Variants in FAT3 observed in about 807,000 individuals in gnomAD.
The protein encoded by FAT3 is protocadherin Fat 3.
In FAT3, 95 loss-of-function variants were observed where a neutral mutation model predicts 310.2. That is an observed-to-expected ratio of 0.31 (90% CI 0.26 to 0.36). The LOEUF (loss-of-function observed/expected upper bound fraction) is 0.36, where lower values mean the gene tolerates loss of function less well. Among genes scored for constraint, FAT3 ranks in the 10% least tolerant of loss-of-function variants. The pLI is 1.00. For synonymous variants in FAT3, 2,314 were observed against 2,192.9 expected (o/e 1.06, Z -1.54); for missense variants, 5,408 against 5,715.6 (o/e 0.95, Z 1.74).
In FAT3 at chr11:92,835,032, T is replaced by C. The variant is rs1948369056; in HGVS notation, c.10034T>C (p.Val3345Ala). The C allele has an allele frequency of 6.2e-7, 1 of 1,613,730 alleles. No homozygotes were observed. The highest frequency in any genetic ancestry group is 8.5e-7 in the Non-Finnish European group (1 of 1,179,812). Reference sequence around the variant, plus strand: ...AACCCTCCCAAGTTCAGCCAAGACGTCTACAGTGCGGTTATCAGTGAAGAC... The same window carrying C: ...AACCCTCCCAAGTTCAGCCAAGACGCCTACAGTGCGGTTATCAGTGAAGAC... ...NDNPPKFSQD[V>A]YSAVISEDAL... The change falls in exon 15 of 28, where the codon GTC becomes GCC. Residue 3345 changes from valine (V) to alanine (A), a missense_variant. Physicochemically the swap from Val to Ala is moderately conservative, Grantham distance 64. Transcript: ENST00000525166.
intron 13 of FAT3, among the ~76,000 whole-genome samples, chr11:92,825,536 A>G (rs918936568): frequency 6.6e-6 from 1 of 152,174 alleles, no homozygotes; most frequent in Non-Finnish European, 1.5e-5. Context: ...AAGAGGGCAA[A>G]GCACAAATGC....
At chr11:92,583,042 C>T (rs547959375) in intron 3 of FAT3, among the ~76,000 whole-genome samples, 74 of 150,486 alleles carry the variant, frequency 4.9e-4, no homozygotes, top group African/African-American at 1.8e-3. Flanking sequence ...CTTTATTAGA[C>T]TATTATAGTA....
chr11:92,757,611 G>T (rs1191384345), intron 4 of FAT3, among the ~76,000 whole-genome samples: 1 of 152,184 alleles, frequency 6.6e-6, no homozygotes, highest in Non-Finnish European at 1.5e-5. Flanking sequence ...TGCCATTGAT[G>T]ATTCCATTAA....
Position 92,369,739 on chromosome 11 carries a change from C to T in FAT3, c.3292+14335C>T, listed in dbSNP as rs535635081. Among the ~76,000 whole-genome samples the T allele has an allele frequency of 7.2e-5, 11 of 152,040 alleles. No homozygotes were observed. The East Asian group carries it at 9.7e-4, about 13-fold the overall frequency. ...GCACACGCCTGTAGTCCCAGCTACTCGGGAGGCTGAGGCAGGAGAATCGCT... is the reference window on the plus strand; with the variant it reads ...GCACACGCCTGTAGTCCCAGCTACTTGGGAGGCTGAGGCAGGAGAATCGCT... On this transcript the variant is annotated intron_variant, in intron 2 of 27. Transcript: ENST00000525166.
At chr11:92,336,322 G>C (rs1591127474) in intron 1 of FAT3, 2 of 441,238 alleles carry the variant, frequency 4.5e-6, no homozygotes, top group East Asian at 1.1e-4. Flanking sequence ...TCAGGATCTG[G>C]GTCCTCCTGC....
Position 92,352,438 on chromosome 11 carries a change from C to G in FAT3, c.326C>G (p.Thr109Ser). ...IADFCFLRIRTKGGNSAILNR... is the reference protein window; with the variant it reads ...IADFCFLRIRSKGGNSAILNR... ...GATTTCTGTTTTCTCAGAATAAGAA[C>G]TAAAGGTGGCAATTCTGCCATATTA... Residue 109 changes from threonine (T) to serine (S), a missense_variant, in exon 2 of 28, where the codon ACT becomes AGT. This residue lies in a region of FAT3 where 152 missense variants were observed against 188.3 expected (regional missense o/e 0.81). Transcript: ENST00000525166. 6.2e-7 allele frequency: 1 copy of G among 1,612,320 alleles called. No individual in the cohort carries two copies. The highest frequency in any genetic ancestry group is 8.5e-7 in the Non-Finnish European group (1 of 1,179,414).
chr11:92,890,378 TA>T, intron 27 of FAT3, 112 bp from the exon 28 acceptor site: 1 of 1,285,230 alleles, frequency 7.8e-7, no homozygotes, highest in Non-Finnish European at 1.1e-6. Context: ...ATAAGCTTCT[TA>T]GGGTTTCTTG....
intron 25 of FAT3, among the ~76,000 whole-genome samples, chr11:92,888,684 C>CA (rs1374710238): frequency 6.6e-6 from 1 of 152,166 alleles, no homozygotes; most frequent in Non-Finnish European, 1.5e-5. Flanking sequence ...GGCCTTGGGT[C>CA]GTTCTGGGCT....
chr11:92,814,944 G>A (rs1377732073), intron 13 of FAT3, among the ~76,000 whole-genome samples: 1 of 152,204 alleles, frequency 6.6e-6, no homozygotes, highest in East Asian at 1.9e-4. Context: ...CATTCAGGAA[G>A]ATAGGAGCCA....
intron 6 of FAT3, among the ~76,000 whole-genome samples, chr11:92,768,802 A>G (rs1487148462): frequency 6.6e-6 from 1 of 152,160 alleles, no homozygotes; most frequent in Non-Finnish European, 1.5e-5. Context: ...GGCCTTGCCT[A>G]GGTAAATACT....
intron 3 of FAT3, among the ~76,000 whole-genome samples, chr11:92,645,233 G>T (rs1444347646): frequency 6.6e-6 from 1 of 152,156 alleles, no homozygotes; most frequent in East Asian, 1.9e-4. Context: ...TTTGTAGAAG[G>T]CTAATTAGAT....
chr11:92,566,854 A>T (rs1393737577), intron 3 of FAT3, among the ~76,000 whole-genome samples: 1 of 152,224 alleles, frequency 6.6e-6, no homozygotes, highest in Non-Finnish European at 1.5e-5. Flanking sequence ...CTGAAACTGG[A>T]TCCCTTCCAC....
chr11:92,286,020 T>G (rs1296853799), intron 1 of FAT3, among the ~76,000 whole-genome samples: 1 of 151,590 alleles, frequency 6.6e-6, no homozygotes, highest in Admixed American at 6.6e-5. Context: ...GAGATGAGAG[T>G]GTCGGTAAAA....
intron 1 of FAT3, among the ~76,000 whole-genome samples, chr11:92,304,306 A>G (rs1470386075): frequency 1.3e-5 from 2 of 152,204 alleles, no homozygotes; most frequent in African/African-American, 4.8e-5. Flanking sequence ...ATTGCTTCTT[A>G]GTCTTCCCCT....
chr11:92,246,765 A>T (rs965373555), intron 1 of FAT3, among the ~76,000 whole-genome samples: 1 of 152,094 alleles, frequency 6.6e-6, no homozygotes, highest in Non-Finnish European at 1.5e-5. Context: ...ATATATTAGA[A>T]CACATACATC....
chr11:92,225,104 G>GCCGAGCA lies in FAT3; in HGVS notation c.-84_-78dup, dbSNP rs1399984018. Among the ~76,000 whole-genome samples, 3 of 152,152 alleles carry GCCGAGCA rather than the reference G, an allele frequency of 2.0e-5. No individual in the cohort carries two copies. The highest frequency in any genetic ancestry group is 4.4e-5 in the Non-Finnish European group (3 of 68,016). On this transcript the variant is annotated 5_prime_UTR_variant, in exon 1 of 28. Coordinates refer to ENST00000525166, the MANE Select transcript of FAT3 (RefSeq NM_001367949.2). ...GGACCGGCTCGCCCGGAGCAAGAGCGCCGAGCACCGGGTGAAGAAGACCAC... is the reference window on the plus strand; with the variant it reads ...GGACCGGCTCGCCCGGAGCAAGAGCGCCGAGCACCGAGCACCGGGTGAAGAAGACCAC...
chr11:92,882,885 C>A lies in FAT3; in HGVS notation c.12429C>A (p.Ile4143=). The A allele has an allele frequency of 6.2e-7, 1 of 1,612,536 alleles. No individual in the cohort carries two copies. Among genetic ancestry groups the A allele is most frequent in the Non-Finnish European group, 8.5e-7 (1 of 1,179,454 alleles). Reference sequence around the variant, plus strand: ...TGCGCCCCGTGGTGGTACCCAATATCCAGGCTGGCCACTCCTACGTGGGGA... The same window carrying A: ...TGCGCCCCGTGGTGGTACCCAATATACAGGCTGGCCACTCCTACGTGGGGA... ...CGLRPVVVPN[I]QAGHSYVGKE... The change falls in exon 24 of 28, where the codon ATC becomes ATA. Residue 4143 remains isoleucine (I), a synonymous_variant. Transcript: ENST00000525166.
Position 92,887,121 on chromosome 11 carries a change from G to A in FAT3, c.13051+8G>A, listed in dbSNP as rs1170858151. 1.9e-6 allele frequency: 3 copies of A among 1,604,206 alleles called. No individual in the cohort carries two copies. Among genetic ancestry groups the A allele is most frequent in the Non-Finnish European group, 8.5e-7 (1 of 1,175,246 alleles). ...ATTCTGGTGACGACAATGGTAAGAA[G>A]TCATCAGATTTGTTCGGAGCGGGTG... On this transcript the variant is annotated splice_region_variant and intron_variant, in intron 25 of 27. Transcript: ENST00000525166.
At chr11:92,819,971 G>A (rs1289009312) in intron 13 of FAT3, among the ~76,000 whole-genome samples, 3 of 152,092 alleles carry the variant, frequency 2.0e-5, no homozygotes, top group African/African-American at 4.8e-5. Flanking sequence ...CCCACTTCCT[G>A]ATATTCACAC....
Sources: gnomAD v4.1 joint callset for allele counts (sites outside exome capture counted in the v4.1 genomes callset) on GRCh38, gnomAD v4.1.1 for gene constraint, gnomAD v4.1.1 regional missense constraint, MANE v1.5 for transcripts, NCBI Gene and HGNC (gene_info 2026-07-23, HGNC 2026-07-21) for gene names.